The following SF3B1 variants were observed in gnomAD, a reference collection of about 807,000 sequenced individuals.
SF3B1 encodes the protein splicing factor 3b subunit 1.
Under a neutral mutation model 153.8 loss-of-function variants are expected in SF3B1, and 12 were observed. The observed-to-expected ratio is 0.08, with a 90% CI of 0.05 to 0.13. SF3B1 has a LOEUF of 0.13. SF3B1 is among the 10% of genes least tolerant of loss of function. The pLI is 1.00. For synonymous variants in SF3B1, 498 were observed against 525.2 expected (o/e 0.95, Z 0.71); for missense variants, 513 against 1,606.1 (o/e 0.32, Z 11.63).
In SF3B1 at chr2:197,401,366, CT is replaced by C. The variant is rs1389137560; in HGVS notation, c.2496+33del. 1 of 1,571,716 alleles carries C rather than the reference CT, an allele frequency of 6.4e-7. No homozygotes were observed. Among genetic ancestry groups the C allele is most frequent in the Non-Finnish European group, 8.6e-7 (1 of 1,165,044 alleles). On this transcript the variant is annotated intron_variant, in intron 17 of 24. Coordinates refer to ENST00000335508, the MANE Select transcript of SF3B1 (RefSeq NM_012433.4). The surrounding 1 kb of genome is among the most constrained non-coding windows in gnomAD (Gnocchi z 4.2). ...TTGACTAAAGAATGAGTTGAAAGGACTTTTGAGAATATTCTTTTACAATAAA... is the reference window on the plus strand; with the variant it reads ...TTGACTAAAGAATGAGTTGAAAGGACTTTGAGAATATTCTTTTACAATAAA...
chr2:197,413,783 T>C (rs373158994), intron 6 of SF3B1, among the ~76,000 whole-genome samples: 10 of 152,016 alleles, frequency 6.6e-5, no homozygotes, highest in African/African-American at 2.4e-4. Context: ...CCCTAAATGT[T>C]TTTTTGTTAT....
At chr2:197,427,887 T>G (rs1011658443) in intron 1 of SF3B1, among the ~76,000 whole-genome samples, 1 of 151,940 alleles carries the variant, frequency 6.6e-6, no homozygotes, top group African/African-American at 2.4e-5. Flanking sequence ...GGTGTGGTGG[T>G]GGGTGCCTGG....
chr2:197,434,677 C>T (rs1157775972), intron 1 of SF3B1, among the ~76,000 whole-genome samples: 1 of 152,234 alleles, frequency 6.6e-6, no homozygotes, highest in Non-Finnish European at 1.5e-5. Flanking sequence ...GATCCCTTGC[C>T]CACGAATCCT....
chr2:197,421,166 A>G (rs1259949008), intron 2 of SF3B1, 33 bp from the exon 3 acceptor site: 2 of 1,343,700 alleles, frequency 1.5e-6, no homozygotes, highest in African/African-American at 2.9e-5. Context: ...AGCCATAAAC[A>G]AAATGTTAGA....
At chr2:197,394,245 C>T (rs2333852) in intron 23 of SF3B1, among the ~76,000 whole-genome samples, 23,833 of 152,096 alleles carry the variant, frequency 0.16, 2,117 homozygotes, top group Middle Eastern at 0.28. Context: ...GGGAAGGCCT[C>T]GCTATGTTGC....
chr2:197,427,700 C>T (rs1219346851), intron 1 of SF3B1, among the ~76,000 whole-genome samples: 2 of 152,136 alleles, frequency 1.3e-5, no homozygotes, highest in African/African-American at 4.8e-5. Context: ...TTGTCCTATT[C>T]TCTTCTGCAT....
intron 1 of SF3B1, among the ~76,000 whole-genome samples, chr2:197,428,629 C>G (rs951340894): frequency 6.6e-6 from 1 of 152,192 alleles, no homozygotes; most frequent in South Asian, 2.1e-4. Flanking sequence ...CGCGGTGGCT[C>G]ACGCCTGTAA....
intron 3 of SF3B1, 60 bp from the exon 4 acceptor site, chr2:197,420,602 A>G: frequency 9.0e-7 from 1 of 1,117,184 alleles, no homozygotes; most frequent in African/African-American, 1.6e-5. Context: ...ACAGAATATC[A>G]TAAACAAAAA....
chr2:197,407,008 A>C (rs542465845), intron 9 of SF3B1, among the ~76,000 whole-genome samples: 45 of 152,320 alleles, frequency 3.0e-4, no homozygotes, highest in African/African-American at 1.1e-3. Flanking sequence ...GGATCACTTG[A>C]GCCCAGGAGT....
chr2:197,392,831 A>G (rs563439219), intron 24 of SF3B1, 141 bp downstream of exon 24: 2 of 619,824 alleles, frequency 3.2e-6, no homozygotes, highest in South Asian at 4.0e-5. Context: ...AACCTAGATG[A>G]CAGGTTGATA....
At chr2:197,424,274 G>A (rs995027552) in intron 1 of SF3B1, among the ~76,000 whole-genome samples, 3 of 152,090 alleles carry the variant, frequency 2.0e-5, no homozygotes, top group Non-Finnish European at 2.9e-5. Context: ...GGAGGTGGGC[G>A]ATCACTTGAG....
chr2:197,431,382 A>C (rs2085433968), intron 1 of SF3B1, among the ~76,000 whole-genome samples: 1 of 152,034 alleles, frequency 6.6e-6, no homozygotes, highest in Non-Finnish European at 1.5e-5. Context: ...AGCCTCCCAA[A>C]GTGCTGGGAT....
At chr2:197,423,762 C>T (rs1005048157) in intron 2 of SF3B1, 46 bp downstream of exon 2, 2 of 1,574,072 alleles carry the variant, frequency 1.3e-6, no homozygotes, top group Admixed American at 3.6e-5. Flanking sequence ...ATATTTCTTG[C>T]TCTCTCAAAA....
Position 197,401,377 on chromosome 2 carries a change from ATTCTT to A in SF3B1, c.2496+18_2496+22del. 6.3e-7 allele frequency: 1 copy of A among 1,579,414 alleles called. No individual in the cohort carries two copies. Among genetic ancestry groups the A allele is most frequent in the Non-Finnish European group, 8.5e-7 (1 of 1,169,612 alleles). ...ATGAGTTGAAAGGACTTTTGAGAATATTCTTTTACAATAAAAGCTTACCTGTCGGT... is the reference window on the plus strand; with the variant it reads ...ATGAGTTGAAAGGACTTTTGAGAATATTACAATAAAAGCTTACCTGTCGGT... On this transcript the variant is annotated intron_variant, in intron 17 of 24. Coordinates refer to ENST00000335508, the MANE Select transcript of SF3B1 (RefSeq NM_012433.4). This position sits in a 1 kb window ranked among gnomAD's most constrained non-coding sequence, Gnocchi z 4.2.
chr2:197,424,014 CA>C, intron 1 of SF3B1, 40 bp from the exon 2 acceptor site: 1 of 1,530,038 alleles, frequency 6.5e-7, no homozygotes, highest in Non-Finnish European at 8.9e-7. Flanking sequence ...TTTCACTTTC[CA>C]AAAGAACTCC....
At chr2:197,434,725 G>A (rs1238061935) in intron 1 of SF3B1, among the ~76,000 whole-genome samples, 1 of 152,214 alleles carries the variant, frequency 6.6e-6, no homozygotes, top group Non-Finnish European at 1.5e-5. Flanking sequence ...TCTGGTCAGA[G>A]AAGAGAAGCT....
At chr2:197,429,882 G>C (rs569074381) in intron 1 of SF3B1, among the ~76,000 whole-genome samples, 2 of 152,102 alleles carry the variant, frequency 1.3e-5, no homozygotes, top group African/African-American at 4.8e-5. Context: ...TAATTTTCTG[G>C]GTGCTTCCAT....
intron 6 of SF3B1, among the ~76,000 whole-genome samples, chr2:197,414,978 T>C (rs2085126012): frequency 6.6e-6 from 1 of 151,946 alleles, no homozygotes; most frequent in African/African-American, 2.4e-5. Flanking sequence ...CACTCCAACC[T>C]TGGCAACAGA....
rs916159868 is a variant in SF3B1 at position 197,431,174 on chromosome 2, G to A, written c.28+3798C>T. 5.0e-5 allele frequency among the ~76,000 whole-genome samples: 7 copies of A among 141,164 alleles called. 1 individual carries two copies. The highest frequency in any genetic ancestry group is 4.2e-4 in the East Asian group (2 of 4,720). The allele number at this position is 141,164 out of a possible 152,430, so 92.6% of individuals were successfully genotyped here. The stretch of plus-strand genomic sequence containing the variant: ...GTCGCCCAGGCTGGAGTGCAGTGGC[G>A]TGGCGTGATCTCAGCTCACTGCAAC... On this transcript the variant is annotated intron_variant, in intron 1 of 24. Coordinates refer to ENST00000335508, the MANE Select transcript of SF3B1 (RefSeq NM_012433.4).
Sources: allele counts gnomAD v4.1 joint callset (sites outside exome capture counted in the v4.1 genomes callset), GRCh38; gene constraint gnomAD v4.1.1; non-coding constraint Gnocchi (gnomAD v3.1); transcripts MANE v1.5; gene names NCBI Gene and HGNC (gene_info 2026-07-23, HGNC 2026-07-21).